Variants in GSAP observed in about 807,000 individuals in gnomAD.
GSAP encodes the protein gamma-secretase activating protein.
GSAP carries 118 observed loss-of-function variants against 131.7 expected under a neutral mutation model. That is an observed-to-expected ratio of 0.90 (90% CI 0.77 to 1.04). GSAP has a LOEUF of 1.04. Ranked by LOEUF, GSAP falls within the 50% of genes least tolerant of loss-of-function variation. GSAP has a pLI of 0.00. For synonymous variants in GSAP, 381 were observed against 363.4 expected, an observed-to-expected ratio of 1.05 and a Z score of -0.55; for missense variants, 1,019 against 1,013.2, an observed-to-expected ratio of 1.01 and a Z score of -0.08.
intron 18 of GSAP, among the ~76,000 whole-genome samples, chr7:77,349,693 C>T (rs1239874022): frequency 1.3e-5 from 2 of 152,120 alleles, no homozygotes; most frequent in Non-Finnish European, 2.9e-5. Context: ...TATTTTTATA[C>T]ATTTCTATTA....
Position 77,311,186 on chromosome 7 carries a change from G to A in GSAP, c.*172C>T. 1.8e-6 allele frequency: 1 copy of A among 563,106 alleles called. No individual in the cohort carries two copies. Among genetic ancestry groups the A allele is most frequent in the Non-Finnish European group, 3.2e-6 (1 of 314,798 alleles). 34.9% of individuals were successfully genotyped at this position (563,106 alleles called of 1,614,324 possible). ...CTCACTGGCTATTCAAAATTGGAAT[G>A]TGATACAGCAGTTCTGTCTGAACGT... On this transcript the variant is annotated 3_prime_UTR_variant, in exon 31 of 31. Coordinates refer to ENST00000257626, the MANE Select transcript of GSAP (RefSeq NM_017439.4).
chr7:77,360,980 A>G, intron 13 of GSAP, 79 bp from the exon 14 acceptor site: 2 of 802,152 alleles, frequency 2.5e-6, no homozygotes, highest in East Asian at 2.5e-5. Flanking sequence ...TATGTAACAC[A>G]CTATATTTTC....
At chr7:77,314,723 T>C in intron 26 of GSAP, 1 of 412,330 alleles carries the variant, frequency 2.4e-6, no homozygotes, top group Non-Finnish European at 4.5e-6. Flanking sequence ...CTTGGGTCTC[T>C]TCCTGCACAG....
At chr7:77,416,400 G>A (rs922244477), upstream of GSAP, 19 of 667,886 alleles carry the variant, frequency 2.8e-5, no homozygotes, top group Non-Finnish European at 4.2e-5. Context: ...CCTCGCCCTC[G>A]CGTCCCCGCT....
Position 77,355,249 on chromosome 7 carries a change from G to A in GSAP, c.1302C>T (p.Leu434=), listed in dbSNP as rs776900359. The A allele has an allele frequency of 8.1e-6, 13 of 1,613,848 alleles. No individual in the cohort carries two copies. The highest frequency in any genetic ancestry group is 6.7e-5 in the East Asian group (3 of 44,882). ...CEKMAALHCA[L]YCGQGAQFLE... The stretch of plus-strand genomic sequence containing the variant: ...GGAACTGCGCACCTTGACCGCAGTA[G>A]AGCGCGCAGTGCAACGCAGCCATCT... The change falls in exon 16 of 31, where the codon CTC becomes CTT. Residue 434 remains leucine, a synonymous_variant. Coordinates refer to ENST00000257626, the MANE Select transcript of GSAP (RefSeq NM_017439.4).
chr7:77,374,361 A>G (rs1238179183), intron 11 of GSAP, among the ~76,000 whole-genome samples: 1 of 152,218 alleles, frequency 6.6e-6, no homozygotes, highest in Non-Finnish European at 1.5e-5. Context: ...ATAACAAGGA[A>G]AAAATATTAC....
At chr7:77,372,742 A>G (rs975355555) in intron 12 of GSAP, among the ~76,000 whole-genome samples, 1 of 152,252 alleles carries the variant, frequency 6.6e-6, no homozygotes, top group Admixed American at 6.5e-5. Context: ...GTATAGTAAC[A>G]AAAAATACCC....
intron 1 of GSAP, among the ~76,000 whole-genome samples, chr7:77,408,586 A>G (rs543399224): frequency 1.1e-4 from 17 of 150,116 alleles, no homozygotes; most frequent in Non-Finnish European, 2.4e-4. Flanking sequence ...CTGTAATCCC[A>G]GCTACTCAGG....
At chr7:77,349,784 CTCT>C (rs1233600010) in intron 18 of GSAP, among the ~76,000 whole-genome samples, 1 of 152,170 alleles carries the variant, frequency 6.6e-6, no homozygotes, top group Non-Finnish European at 1.5e-5. Flanking sequence ...TCCTTCCTCT[CTCT>C]TCTTTCACTT....
intron 6 of GSAP, among the ~76,000 whole-genome samples, chr7:77,385,063 T>G (rs977478023): frequency 1.5e-4 from 23 of 151,746 alleles, no homozygotes. Context: ...AGATGGAGTT[T>G]CGCTCTGTTG....
rs996879404 is a variant in GSAP, at chr7:77,320,905, C to T, written c.1995-86G>A. 11 of 787,250 alleles carry T rather than the reference C, an allele frequency of 1.4e-5. No individual in the cohort carries two copies. The Admixed American group carries it at 2.2e-4, about 16-fold the overall frequency. 48.8% of individuals were successfully genotyped at this position (787,250 alleles called of 1,614,324 possible). A position where few individuals can be genotyped will look rare whatever the true frequency, so the allele number is the denominator to read the frequency against. Reference sequence around the variant, plus strand: ...TCCTAAGCAGTGGCTTTGAGTACTACACAAGGGTTCATGCTAATCATGAAA... The same window carrying T: ...TCCTAAGCAGTGGCTTTGAGTACTATACAAGGGTTCATGCTAATCATGAAA... On this transcript the variant is annotated intron_variant, in intron 25 of 30. Coordinates refer to ENST00000257626, the MANE Select transcript of GSAP (RefSeq NM_017439.4).
Position 77,349,382 on chromosome 7 carries a change from A to G in GSAP, c.1514T>C (p.Val505Ala), listed in dbSNP as rs1792423651. ...AAGAGGCAATGCAATGTCTTCTGTC[A>G]CAAGAGTTATTCCAGGAATTTCCTA... ...WNTEIPGITL[V>A]TEDIALPLMK... is the part of the protein sequence containing the mutation. Residue 505 changes from valine to alanine, a missense_variant, in exon 19 of 31, where the codon GTG becomes GCG. By Grantham distance (64) the Val-to-Ala change is moderately conservative. Transcript: ENST00000257626. 13 of 1,613,202 alleles carry G rather than the reference A, an allele frequency of 8.1e-6. No individual in the cohort carries two copies. The Middle Eastern group carries it at 6.6e-4, about 82-fold the overall frequency.
chr7:77,380,813 G>T (rs1181901), intron 8 of GSAP, among the ~76,000 whole-genome samples: 64,267 of 151,954 alleles, frequency 0.42, 15,036 homozygotes, highest in Middle Eastern at 0.55. Context: ...ATAAATATAT[G>T]GTATGATCCC....
At chr7:77,378,040 G>A (rs559593818) in intron 8 of GSAP, among the ~76,000 whole-genome samples, 1 of 152,228 alleles carries the variant, frequency 6.6e-6, no homozygotes, top group East Asian at 1.9e-4. Context: ...TTTTCCAATG[G>A]TGCATTGGCA....
intron 21 of GSAP, 90 bp from the exon 22 acceptor site, chr7:77,328,727 T>C: frequency 1.2e-6 from 1 of 817,862 alleles, no homozygotes; most frequent in South Asian, 1.5e-5. Flanking sequence ...CCTTTAAAAA[T>C]TCATAAAAAC....
rs759902095 is a variant in GSAP, at chr7:77,377,316, T to C, written c.651A>G (p.Ser217=). 10 of 1,577,858 alleles carry C rather than the reference T, an allele frequency of 6.3e-6. No individual in the cohort carries two copies. Among genetic ancestry groups the C allele is most frequent in the South Asian group, 1.2e-5 (1 of 85,028 alleles). ...EDFVWAQWDM[S]EQRLYYIDLK... Reference sequence around the variant, plus strand: ...GGTCAATGTAATATAATCTCTGTTCTGACATATCCCACTGAGCCCAAACGA... The same window carrying C: ...GGTCAATGTAATATAATCTCTGTTCCGACATATCCCACTGAGCCCAAACGA... Residue 217 remains serine (S), a synonymous_variant, in exon 9 of 31, where the codon TCA becomes TCG. Transcript: ENST00000257626.
intron 8 of GSAP, among the ~76,000 whole-genome samples, chr7:77,379,592 T>G (rs572343524): frequency 7.5e-4 from 114 of 152,132 alleles, no homozygotes; most frequent in Non-Finnish European, 1.3e-3. Flanking sequence ...TCTCTCTTTT[T>G]GCTCTCAAGC....
chr7:77,319,957 T>C (rs150775652), intron 26 of GSAP, among the ~76,000 whole-genome samples: 31 of 152,330 alleles, frequency 2.0e-4, no homozygotes, highest in African/African-American at 7.5e-4. Flanking sequence ...AGACCTGCTA[T>C]CCAACATTGT....
At chr7:77,322,031 G>A (rs904304868) in intron 24 of GSAP, among the ~76,000 whole-genome samples, 4 of 152,224 alleles carry the variant, frequency 2.6e-5, no homozygotes, top group Middle Eastern at 3.4e-3. Context: ...CCATTCTAAC[G>A]CTGCAACGAG....
Sources: allele counts gnomAD v4.1 joint callset (sites outside exome capture counted in the v4.1 genomes callset), GRCh38; gene constraint gnomAD v4.1.1; transcripts MANE v1.5; gene names NCBI Gene and HGNC (gene_info 2026-07-23, HGNC 2026-07-21).